Variants in FIRRM observed in about 807,000 individuals in gnomAD.
The protein encoded by FIRRM is FIGNL1-interacting regulator of recombination and mitosis.
chr1:169,807,476 T>C, the FIRRM span, among the ~76,000 whole-genome samples: 1 of 152,240 alleles, frequency 6.6e-6, no homozygotes, highest in East Asian at 1.9e-4. Context: ...TCTCTCATGC[T>C]AGACCACAAG....
At chr1:169,786,509 G>A in the FIRRM span, among the ~76,000 whole-genome samples, 20 of 152,204 alleles carry the variant, frequency 1.3e-4, no homozygotes, top group Non-Finnish European at 2.2e-4. Context: ...GTGCCACTGA[G>A]CTGACTGGAT....
the FIRRM span, among the ~76,000 whole-genome samples, chr1:169,813,225 A>G: frequency 2.0e-5 from 3 of 152,236 alleles, no homozygotes; most frequent in Non-Finnish European, 2.9e-5. Context: ...AACGTCAGAC[A>G]CTGTTTAAAT....
the FIRRM span, chr1:169,827,002 A>C: frequency 2.1e-5 from 33 of 1,573,800 alleles, no homozygotes; most frequent in Non-Finnish European, 2.9e-5. Context: ...TCTACCTAAA[A>C]TTAGAAGATA....
chr1:169,792,980 T>C, the FIRRM span: 3 of 1,613,946 alleles, frequency 1.9e-6, no homozygotes, highest in South Asian at 1.1e-5. Flanking sequence ...ATTTTCTTCA[T>C]CTTCCAAAGT....
the FIRRM span, chr1:169,852,306 G>C: frequency 3.3e-6 from 1 of 301,994 alleles, no homozygotes; most frequent in Non-Finnish European, 6.3e-6. Flanking sequence ...AATAATTTTT[G>C]GCAGTAACTG....
the FIRRM span, chr1:169,850,647 T>C: frequency 1.4e-5 from 3 of 217,650 alleles, no homozygotes; most frequent in Admixed American, 1.5e-4. Context: ...AATACAAAAA[T>C]TAGCCGGGCA....
the FIRRM span, among the ~76,000 whole-genome samples, chr1:169,786,864 T>A: frequency 2.2e-4 from 33 of 152,230 alleles, no homozygotes; most frequent in South Asian, 2.1e-4. Flanking sequence ...TTCTCCTCTG[T>A]AGCCTTAGGA....
At chr1:169,826,935 T>A in the FIRRM span, 3 of 917,534 alleles carry the variant, frequency 3.3e-6, no homozygotes, top group Non-Finnish European at 3.2e-6. Context: ...CACTTATTTT[T>A]AAAAACTTAG....
the FIRRM span, chr1:169,851,169 G>A: frequency 6.7e-6 from 1 of 150,232 alleles, no homozygotes; most frequent in South Asian, 2.1e-4. Flanking sequence ...TGCATACTTG[G>A]GAACTTAGTG....
At chr1:169,793,162 A>G in the FIRRM span, 5 of 1,614,102 alleles carry the variant, frequency 3.1e-6, no homozygotes, top group African/African-American at 2.7e-5. Flanking sequence ...CCTTTGTGAA[A>G]TAAGCCAGGA....
chr1:169,811,031 T>G, the FIRRM span, among the ~76,000 whole-genome samples: 1 of 150,168 alleles, frequency 6.7e-6, no homozygotes, highest in African/African-American at 2.5e-5. Flanking sequence ...GGCTAATTTT[T>G]TTGTATTTTT....
the FIRRM span, among the ~76,000 whole-genome samples, chr1:169,801,937 A>C: frequency 6.6e-6 from 1 of 152,204 alleles, no homozygotes; most frequent in African/African-American, 2.4e-5. Context: ...AAAAGATTCA[A>C]CTGTTACATA....
the FIRRM span, among the ~76,000 whole-genome samples, chr1:169,844,558 C>G: frequency 1.3e-5 from 2 of 152,200 alleles, no homozygotes; most frequent in Non-Finnish European, 2.9e-5. Context: ...AAACTAGTAA[C>G]AGCTTTGCTT....
chr1:169,819,553 GA>G, the FIRRM span, among the ~76,000 whole-genome samples: 1 of 152,208 alleles, frequency 6.6e-6, no homozygotes, highest in East Asian at 1.9e-4. Context: ...GTTCCATGAG[GA>G]AAATAGAGGT....
chr1:169,830,875 G>A, the FIRRM span: 1 of 855,708 alleles, frequency 1.2e-6, no homozygotes, highest in South Asian at 1.5e-5. Context: ...GACAGTCTTT[G>A]TCTTGTATTA....
the FIRRM span, chr1:169,852,002 C>A: frequency 4.8e-5 from 77 of 1,606,392 alleles, no homozygotes; most frequent in Non-Finnish European, 6.1e-5. Context: ...TACTTACTGA[C>A]GAAACAAACC....
chr1:169,824,289 A>G, the FIRRM span, among the ~76,000 whole-genome samples: 1 of 152,146 alleles, frequency 6.6e-6, no homozygotes, highest in African/African-American at 2.4e-5. Flanking sequence ...TAGCCTCTCC[A>G]TTGTGCATTG....
At chr1:169,807,386 C>G in the FIRRM span, among the ~76,000 whole-genome samples, 3 of 152,178 alleles carry the variant, frequency 2.0e-5, no homozygotes, top group Non-Finnish European at 4.4e-5. Context: ...TAGATTAGGT[C>G]TCTCTATTGT....
chr1:169,832,553 G>A, the FIRRM span: 1 of 1,365,978 alleles, frequency 7.3e-7, no homozygotes, highest in Non-Finnish European at 1.0e-6. Flanking sequence ...GCTGCTCAGA[G>A]TTGGATTCAG....
Sources: allele counts gnomAD v4.1 joint callset (sites outside exome capture counted in the v4.1 genomes callset), GRCh38; gene constraint gnomAD v4.1.1; transcripts MANE v1.5; gene names NCBI Gene and HGNC (gene_info 2026-07-23, HGNC 2026-07-21).